TMEM108: variants seen among roughly 807,000 people sequenced by gnomAD.
TMEM108 encodes cancer/testis antigen 124.
Under a neutral mutation model 35.1 loss-of-function variants are expected in TMEM108, and 12 were observed. The ratio of observed to expected loss-of-function variants is 0.34; its 90% CI spans 0.22 to 0.55. The LOEUF (loss-of-function observed/expected upper bound fraction) is 0.55, where lower values mean the gene tolerates loss of function less well. Ranked by LOEUF, TMEM108 falls within the 20% of genes least tolerant of loss-of-function variation. The pLI, the probability that TMEM108 is intolerant of heterozygous loss-of-function variation, is 0.89. For synonymous variants in TMEM108, 287 were observed against 308.6 expected, an observed-to-expected ratio of 0.93 and a Z score of 0.73; for missense variants, 680 against 753.3, an observed-to-expected ratio of 0.90 and a Z score of 1.14.
intron 3 of TMEM108, among the ~76,000 whole-genome samples, chr3:133,327,667 ACTT>A (rs2071347623): frequency 6.6e-6 from 1 of 152,074 alleles, no homozygotes; most frequent in Non-Finnish European, 1.5e-5. Flanking sequence ...CAGTCTTGCT[ACTT>A]CATTGCAAAA....
chr3:133,334,187 C>T (rs2071446775), intron 3 of TMEM108, among the ~76,000 whole-genome samples: 1 of 152,096 alleles, frequency 6.6e-6, no homozygotes, highest in Admixed American at 6.5e-5. Context: ...ACTACCTGAT[C>T]CTCAATCTAG....
chr3:133,306,938 A>G (rs1361047253), intron 3 of TMEM108, among the ~76,000 whole-genome samples: 1 of 152,130 alleles, frequency 6.6e-6, no homozygotes, highest in East Asian at 1.9e-4. Flanking sequence ...ATCCTTGAGG[A>G]ATCACCACAT....
intron 2 of TMEM108, among the ~76,000 whole-genome samples, chr3:133,098,306 T>G (rs1215132640): frequency 2.0e-5 from 3 of 152,128 alleles, no homozygotes; most frequent in Non-Finnish European, 4.4e-5. Context: ...ATGAGAATAA[T>G]TCAAGAAAGT....
chr3:133,162,279 C>T (rs1944972324), intron 2 of TMEM108, among the ~76,000 whole-genome samples: 1 of 152,086 alleles, frequency 6.6e-6, no homozygotes, highest in Non-Finnish European at 1.5e-5. Flanking sequence ...TTTGTTTACT[C>T]TATAGGTCCT....
intron 4 of TMEM108, chr3:133,387,757 C>T (rs2073174296): frequency 1.2e-6 from 1 of 859,420 alleles, no homozygotes; most frequent in African/African-American, 1.8e-5. Flanking sequence ...CCCAAGGAAG[C>T]TGACGCTGAG....
At chr3:133,391,376 G>A (rs1374770044) in intron 5 of TMEM108, among the ~76,000 whole-genome samples, 1 of 152,188 alleles carries the variant, frequency 6.6e-6, no homozygotes, top group African/African-American at 2.4e-5. Context: ...AAGAGTTCTT[G>A]TGGAGGTGCA....
At chr3:133,269,649 T>C (rs1356662399) in intron 3 of TMEM108, among the ~76,000 whole-genome samples, 4 of 152,220 alleles carry the variant, frequency 2.6e-5, no homozygotes, top group African/African-American at 9.7e-5. Context: ...TTCCAATGAG[T>C]TATTGCTCAT....
chr3:133,202,695 G>A (rs984915013), intron 2 of TMEM108, among the ~76,000 whole-genome samples: 3 of 152,086 alleles, frequency 2.0e-5, no homozygotes, highest in Non-Finnish European at 4.4e-5. Flanking sequence ...GGTTACTGTA[G>A]CCTTGTAGTA....
intron 2 of TMEM108, among the ~76,000 whole-genome samples, chr3:133,204,958 G>C (rs896366988): frequency 3.9e-5 from 6 of 152,164 alleles, no homozygotes; most frequent in African/African-American, 1.2e-4. Flanking sequence ...AGGTCTCTAA[G>C]AACTTACTTT....
chr3:133,304,954 A>C (rs555584822), intron 3 of TMEM108, among the ~76,000 whole-genome samples: 2 of 152,192 alleles, frequency 1.3e-5, no homozygotes, highest in South Asian at 4.2e-4. Flanking sequence ...GTGATGGCGC[A>C]CACCTGTAAT....
intron 2 of TMEM108, among the ~76,000 whole-genome samples, chr3:133,073,686 A>G (rs1943707077): frequency 6.6e-6 from 1 of 151,398 alleles, no homozygotes; most frequent in Admixed American, 6.6e-5. Context: ...CAGTAGTAGG[A>G]TTGTAGGATC....
intron 2 of TMEM108, among the ~76,000 whole-genome samples, chr3:133,174,904 T>C (rs1945192805): frequency 1.3e-5 from 2 of 151,904 alleles, no homozygotes; most frequent in African/African-American, 2.4e-5. Flanking sequence ...TTTGAACCCA[T>C]GGCAAAGAAG....
At chr3:133,138,212 C>G (rs1470949469) in intron 2 of TMEM108, among the ~76,000 whole-genome samples, 1 of 152,056 alleles carries the variant, frequency 6.6e-6, no homozygotes, top group Non-Finnish European at 1.5e-5. Flanking sequence ...AAAAGAGGAA[C>G]AGAAAGTGGG....
At chr3:133,158,482 A>AG (rs1944913775) in intron 2 of TMEM108, among the ~76,000 whole-genome samples, 1 of 151,596 alleles carries the variant, frequency 6.6e-6, no homozygotes, top group Admixed American at 6.6e-5. Flanking sequence ...AAAAAAAAAA[A>AG]AAAAAAAGAA....
At chr3:133,239,233 A>G (rs1946279854) in intron 3 of TMEM108, among the ~76,000 whole-genome samples, 1 of 152,186 alleles carries the variant, frequency 6.6e-6, no homozygotes, top group East Asian at 1.9e-4. Context: ...AGACCAGTTC[A>G]TCAGCCTGCA....
At chr3:133,354,270 C>T (rs2072094546) in intron 3 of TMEM108, among the ~76,000 whole-genome samples, 1 of 152,192 alleles carries the variant, frequency 6.6e-6, no homozygotes, top group African/African-American at 2.4e-5. Context: ...ATATACACCA[C>T]ATCAGGGGTC....
At chr3:133,350,119 G>T (rs2071946066) in intron 3 of TMEM108, among the ~76,000 whole-genome samples, 1 of 152,106 alleles carries the variant, frequency 6.6e-6, no homozygotes, top group African/African-American at 2.4e-5. Context: ...CCTGTCCTTT[G>T]CAACAACATG....
intron 3 of TMEM108, among the ~76,000 whole-genome samples, chr3:133,361,574 TC>T (rs1357179134): frequency 6.6e-6 from 1 of 152,162 alleles, no homozygotes; most frequent in Admixed American, 6.5e-5. Context: ...TGTCTCGGCT[TC>T]CGTTGGCATC....
At chr3:133,256,957 C>G (rs1946556312) in intron 3 of TMEM108, 1 of 152,182 alleles carries the variant, frequency 6.6e-6, no homozygotes, top group African/African-American at 2.4e-5. Context: ...GAACATAGTT[C>G]TAAAGTCATG....
Sources: allele counts gnomAD v4.1 joint callset (sites outside exome capture counted in the v4.1 genomes callset), GRCh38; gene constraint gnomAD v4.1.1; transcripts MANE v1.5; gene names NCBI Gene and HGNC (gene_info 2026-07-23, HGNC 2026-07-21).